Variants in ZBTB11 observed in about 807,000 individuals in gnomAD.
The protein encoded by ZBTB11 is zinc finger and BTB domain containing 11, also known as zinc finger and BTB domain-containing protein 11.
In ZBTB11, 68 loss-of-function variants were observed where a neutral mutation model predicts 113.1. The ratio of observed to expected loss-of-function variants is 0.60; its 90% CI spans 0.49 to 0.74. ZBTB11 has a LOEUF of 0.74. Ranked by LOEUF, ZBTB11 falls within the 30% of genes least tolerant of loss-of-function variation. ZBTB11 has a pLI of 0.00. For missense variants in ZBTB11, 1,104 were observed against 1,279.4 expected (o/e 0.86, Z 2.09); for synonymous variants, 518 against 452.6 (o/e 1.14, Z -1.83).
In ZBTB11 at chr3:101,650,699, A is replaced by G. The variant is rs1936686661; in HGVS notation, c.*467T>C. 6.5e-6 allele frequency: 1 copy of G among 153,112 alleles called. No individual in the cohort carries two copies. The highest frequency in any genetic ancestry group is 1.5e-5 in the Non-Finnish European group (1 of 68,422). 9.5% of individuals were successfully genotyped at this position (153,112 alleles called of 1,614,324 possible). Reference sequence around the variant, plus strand: ...TATGCATCCTATTGAAATGCTTTATATTAGAATTTTCTTTTTAATCCATAA... The same window carrying G: ...TATGCATCCTATTGAAATGCTTTATGTTAGAATTTTCTTTTTAATCCATAA... On this transcript the variant is annotated 3_prime_UTR_variant, in exon 11 of 11. Transcript: ENST00000312938.
intron 1 of ZBTB11, among the ~76,000 whole-genome samples, chr3:101,676,175 C>T (rs1052917920): frequency 6.6e-6 from 1 of 152,188 alleles, no homozygotes; most frequent in Non-Finnish European, 1.5e-5. Context: ...AACGGGAGAC[C>T]CGGCTTCGGG....
Position 101,665,064 on chromosome 3 carries a change from C to T in ZBTB11, c.1523G>A (p.Arg508Gln), listed in dbSNP as rs367718842. 9.3e-6 allele frequency: 15 copies of T among 1,614,132 alleles called. No homozygotes were observed. The highest frequency in any genetic ancestry group is 1.2e-5 in the Non-Finnish European group (14 of 1,180,020). ...PDDDTYRSRL[R>Q]QRSVNEGAYI... ...TGCCCCTTCATTAACAGAACGTTGT[C>T]GAAGCCTGCTTCTATAAGTATCATC... Residue 508 changes from arginine (R) to glutamine (Q), a missense_variant, in exon 4 of 11, where the codon CGA becomes CAA. By Grantham distance (43) the Arg-to-Gln change is conservative (BLOSUM62 1). Transcript: ENST00000312938.
chr3:101,669,097 G>T (rs1937043856), intron 3 of ZBTB11, among the ~76,000 whole-genome samples: 1 of 152,024 alleles, frequency 6.6e-6, no homozygotes, highest in African/African-American at 2.4e-5. Flanking sequence ...CAGTGGTGTG[G>T]TCTCAGCTCA....
In ZBTB11 at chr3:101,650,073, T is replaced by G. The variant is rs559634655; in HGVS notation, c.*1093A>C. 2.2e-4 allele frequency: 34 copies of G among 152,478 alleles called. No individual in the cohort carries two copies. Among genetic ancestry groups the G allele is most frequent in the African/African-American group, 7.9e-4 (33 of 41,562 alleles). The allele number at this position is 152,478 out of a possible 1,614,324, so 9.4% of individuals were successfully genotyped here. On this transcript the variant is annotated 3_prime_UTR_variant, in exon 11 of 11. Coordinates refer to ENST00000312938, the MANE Select transcript of ZBTB11 (RefSeq NM_014415.4). Reference sequence around the variant, plus strand: ...AGTTTTCATAACCTTTAAAAATAATTTATCTTCAACAATTTAGTGGAACTG... The same window carrying G: ...AGTTTTCATAACCTTTAAAAATAATGTATCTTCAACAATTTAGTGGAACTG...
At position 101,665,457 on chromosome 3, in the gene ZBTB11, T is replaced by C. The variant is rs776121266; in HGVS notation, c.1130A>G (p.Asn377Ser). 6.2e-7 allele frequency: 1 copy of C among 1,614,182 alleles called. No individual in the cohort carries two copies. The highest frequency in any genetic ancestry group is 1.1e-5 in the South Asian group (1 of 91,090). ...CTCAGGCTGTCGTCCTACCTCTCCA[T>C]TCTGCTCAGCTTCTGGCAATTCTCC... ...VNGELPEAEQ[N>S]GEVGRQPEPQ... Residue 377 changes from asparagine to serine, a missense_variant, in exon 4 of 11, where the codon AAT becomes AGT. Asn to Ser is a conservative substitution (Grantham distance 46). This residue lies in a region of ZBTB11 where 535 missense variants were observed against 518.6 expected (regional missense o/e 1.03). Coordinates refer to ENST00000312938, the MANE Select transcript of ZBTB11 (RefSeq NM_014415.4).
chr3:101,676,780 C>G lies in ZBTB11; in HGVS notation c.135G>C (p.Gly45=), dbSNP rs1336917674. ...KAAACYVVRG[G]TLYYQRRQRH... ...GCTGCCGCCGCTGGTAATACAGAGT[C>G]CCGCCGCGCACCACGTAGCAGGCGG... Residue 45 remains glycine, a synonymous_variant, in exon 1 of 11, where the codon GGG becomes GGC. Transcript: ENST00000312938. The G allele has an allele frequency of 3.7e-6, 6 of 1,610,950 alleles. No homozygotes were observed. The Admixed American group carries it at 1.0e-4, about 27-fold the overall frequency.
chr3:101,670,853 T>C (rs1013874613), intron 3 of ZBTB11: 24 of 355,062 alleles, frequency 6.8e-5, no homozygotes, highest in African/African-American at 4.1e-4. Flanking sequence ...GTTGCACTTA[T>C]GGATTTCACT....
chr3:101,661,832 C>T (rs1181772485), intron 5 of ZBTB11, among the ~76,000 whole-genome samples: 2 of 152,086 alleles, frequency 1.3e-5, no homozygotes, highest in East Asian at 3.8e-4. Flanking sequence ...TTTCCATGTT[C>T]TGTTTGAAAA....
At chr3:101,657,587 T>C (rs1264236670) in intron 6 of ZBTB11, among the ~76,000 whole-genome samples, 1 of 151,708 alleles carries the variant, frequency 6.6e-6, no homozygotes, top group Admixed American at 6.6e-5. Flanking sequence ...ATAAAACACA[T>C]GTACCACGAG....
At chr3:101,666,706 C>T (rs1937001953) in intron 3 of ZBTB11, among the ~76,000 whole-genome samples, 1 of 152,076 alleles carries the variant, frequency 6.6e-6, no homozygotes, top group Non-Finnish European at 1.5e-5. Context: ...TATAGCTCTC[C>T]AGAATTTCAT....
In ZBTB11 at chr3:101,651,458, T is replaced by C. The variant is rs775066854; in HGVS notation, c.2870A>G (p.Gln957Arg). 10 of 1,614,078 alleles carry C rather than the reference T, an allele frequency of 6.2e-6. No individual in the cohort carries two copies. In the Admixed American group the frequency reaches 8.3e-5, roughly 13 times the overall value. The change falls in exon 11 of 11, where the codon CAA (glutamine) becomes CGA (arginine). Residue 957 changes from glutamine to arginine, a missense_variant. By Grantham distance (43) the Gln-to-Arg change is conservative (BLOSUM62 1). Transcript: ENST00000312938. The part of the protein sequence containing the change: ...LEKDTLQFHN[Q>R]GTQVAHAVSI... ...AACAGCATGTGCCACTTGAGTTCCT[T>C]GGTTATGAAACTGAAGGGTGTCTTT... is the stretch of plus-strand genomic sequence containing the variant.
rs1936971798 is a variant in ZBTB11, at chr3:101,665,297, T to C, written c.1290A>G (p.Glu430=). ...QTELETSNNR[E]NNTVSNIHPK... Reference sequence around the variant, plus strand: ...GGTGTATATTAGAAACTGTGTTATTTTCTCTGTTGTTTGAAGTTTCTAGTT... The same window carrying C: ...GGTGTATATTAGAAACTGTGTTATTCTCTCTGTTGTTTGAAGTTTCTAGTT... The change falls in exon 4 of 11, where the codon GAA becomes GAG. Residue 430 remains glutamate (E), a synonymous_variant. Coordinates refer to ENST00000312938, the MANE Select transcript of ZBTB11 (RefSeq NM_014415.4). 6.2e-7 allele frequency: 1 copy of C among 1,614,114 alleles called. No individual in the cohort carries two copies.
chr3:101,666,627 C>T (rs780379434), intron 3 of ZBTB11, among the ~76,000 whole-genome samples: 4 of 152,128 alleles, frequency 2.6e-5, no homozygotes, highest in Non-Finnish European at 5.9e-5. Flanking sequence ...TCTTAATATT[C>T]ACATGAATCA....
At chr3:101,673,988 C>A (rs1290907277) in intron 1 of ZBTB11, among the ~76,000 whole-genome samples, 1 of 151,124 alleles carries the variant, frequency 6.6e-6, no homozygotes, top group African/African-American at 2.4e-5. Flanking sequence ...GGTGAAGAAA[C>A]CTGTTTAACC....
Position 101,664,640 on chromosome 3 carries a change from T to A in ZBTB11, c.1698A>T (p.Glu566Asp), listed in dbSNP as rs753620624. ...CACATTCCCCACATTTATGAGATGC[T>A]TCTTCTGTGTTCTCTTTAGCATCTC... Reference protein sequence around the residue: ...PKRDAKENTEEASHKCGECGM... With the variant: ...PKRDAKENTEDASHKCGECGM... The change falls in exon 5 of 11, where the codon GAA becomes GAT. Residue 566 changes from glutamate (E) to aspartate (D), a missense_variant. Glu to Asp is a conservative substitution (Grantham distance 45). Transcript: ENST00000312938. The A allele has an allele frequency of 1.5e-5, 24 of 1,613,796 alleles. No homozygotes were observed. The highest frequency in any genetic ancestry group is 1.9e-5 in the Non-Finnish European group (23 of 1,179,944).
chr3:101,658,229 T>A (rs1271347569), intron 6 of ZBTB11, among the ~76,000 whole-genome samples: 14 of 147,750 alleles, frequency 9.5e-5, no homozygotes, highest in Admixed American at 4.7e-4. Flanking sequence ...AAAAATTAAT[T>A]TTTTTTTTTT....
intron 3 of ZBTB11, among the ~76,000 whole-genome samples, chr3:101,668,193 G>C (rs1239094213): frequency 6.6e-6 from 1 of 151,882 alleles, no homozygotes; most frequent in Non-Finnish European, 1.5e-5. Context: ...ATGGTTATTA[G>C]AAGATGGGCA....
intron 10 of ZBTB11, among the ~76,000 whole-genome samples, chr3:101,652,283 A>C (rs539313350): frequency 6.6e-6 from 1 of 152,236 alleles, no homozygotes; most frequent in South Asian, 2.1e-4. Flanking sequence ...TTAGTTCAGC[A>C]TAACAATGTG....
intron 1 of ZBTB11, among the ~76,000 whole-genome samples, chr3:101,674,119 T>C (rs906994229): frequency 6.6e-6 from 1 of 151,440 alleles, no homozygotes; most frequent in Non-Finnish European, 1.5e-5. Flanking sequence ...GCGGATCATT[T>C]GAGGTAAGAA....
Sources: allele counts gnomAD v4.1 joint callset (sites outside exome capture counted in the v4.1 genomes callset), GRCh38; gene constraint gnomAD v4.1.1; regional missense constraint gnomAD v4.1.1; transcripts MANE v1.5; gene names NCBI Gene and HGNC (gene_info 2026-07-23, HGNC 2026-07-21).